Variants in TRPC4 observed in about 807,000 individuals in gnomAD.
TRPC4 encodes transient receptor potential cation channel subfamily C member 4.
A neutral mutation model predicts 99.4 loss-of-function variants in TRPC4; 49 were observed. That is an observed-to-expected ratio of 0.49 (90% confidence interval 0.39 to 0.63). The LOEUF (loss-of-function observed/expected upper bound fraction) is 0.63, where lower values mean the gene tolerates loss of function less well. Among genes scored for constraint, TRPC4 ranks in the 20% least tolerant of loss-of-function variants. TRPC4 has a pLI of 0.00. For synonymous variants in TRPC4, 454 were observed against 425.9 expected, an observed-to-expected ratio of 1.07 and a Z score of -0.81; for missense variants, 898 against 1,152.9, an observed-to-expected ratio of 0.78 and a Z score of 3.20.
At chr13:37,723,430 T>C (rs530336539) in intron 3 of TRPC4, among the ~76,000 whole-genome samples, 6 of 152,318 alleles carry the variant, frequency 3.9e-5, no homozygotes, top group African/African-American at 1.4e-4. Context: ...TGTTATTCAT[T>C]AAGCTAATAT....
At chr13:37,778,688 C>T (rs1956767240) in intron 2 of TRPC4, among the ~76,000 whole-genome samples, 1 of 151,940 alleles carries the variant, frequency 6.6e-6, no homozygotes, top group African/African-American at 2.4e-5. Flanking sequence ...CTGGAATCTT[C>T]ACTGTTTATA....
In TRPC4 at chr13:37,777,031, T is replaced by C. The variant is rs184878474; in HGVS notation, c.378+5925A>G. ...GATTTTCTGATCACATAACAGGCAA[T>C]GTTTCTAAAGACACAATTGTATTAA... On this transcript the variant is annotated intron_variant, in intron 2 of 10. Coordinates refer to ENST00000379705, the MANE Select transcript of TRPC4 (RefSeq NM_016179.4). 3.3e-5 allele frequency among the ~76,000 whole-genome samples: 5 copies of C among 152,084 alleles called. No homozygotes were observed. In the East Asian group the frequency reaches 9.7e-4, roughly 30 times the overall value.
At chr13:37,674,840 G>C (rs556614887) in intron 4 of TRPC4, among the ~76,000 whole-genome samples, 1 of 152,076 alleles carries the variant, frequency 6.6e-6, no homozygotes, top group Non-Finnish European at 1.5e-5. Flanking sequence ...TTCAGAGACC[G>C]GACTTCAATC....
chr13:37,775,051 G>C (rs1055455411), intron 2 of TRPC4, among the ~76,000 whole-genome samples: 8 of 151,532 alleles, frequency 5.3e-5, no homozygotes, highest in African/African-American at 1.9e-4. Context: ...TAATGGATTA[G>C]AGGGCTCTAA....
rs1400463054 is a variant in TRPC4, at chr13:37,637,136, C to T, written c.2701G>A (p.Gly901Ser). ...ACTAACACACATTGTTCACTGAGAC[C>T]GGGAATGCTCAGGTCACCCCGTGAA... ...LASRGDLSIP[G>S]LSEQCVLVDH... is the part of the protein sequence containing the mutation. The change falls in exon 11 of 11, where the codon GGT becomes AGT. Residue 901 changes from glycine (G) to serine (S), a missense_variant. Gly to Ser is a moderately conservative substitution (Grantham distance 56). This residue lies in a region of TRPC4 where 346 missense variants were observed against 351.4 expected (regional missense o/e 0.98). Transcript: ENST00000379705. 2.5e-6 allele frequency: 4 copies of T among 1,613,698 alleles called. No individual in the cohort carries two copies. The highest frequency in any genetic ancestry group is 3.4e-6 in the Non-Finnish European group (4 of 1,179,814).
intron 7 of TRPC4, 72 bp downstream of exon 7, chr13:37,655,016 G>A: frequency 8.7e-7 from 1 of 1,145,836 alleles, no homozygotes; most frequent in Non-Finnish European, 1.2e-6. Context: ...ACGATGATAA[G>A]AAGATGGAGT....
At chr13:37,728,893 G>A (rs1282137834) in intron 3 of TRPC4, among the ~76,000 whole-genome samples, 1 of 152,068 alleles carries the variant, frequency 6.6e-6, no homozygotes, top group African/African-American at 2.4e-5. Flanking sequence ...TGATCAAATT[G>A]TTTCTGATGA....
At chr13:37,739,755 C>T (rs570061569) in intron 3 of TRPC4, among the ~76,000 whole-genome samples, 19 of 152,070 alleles carry the variant, frequency 1.2e-4, no homozygotes, top group Non-Finnish European at 2.1e-4. Context: ...CTGCCTGCCT[C>T]GGCCTCCCAA....
chr13:37,693,381 C>T (rs1953791641), intron 3 of TRPC4, among the ~76,000 whole-genome samples: 1 of 152,000 alleles, frequency 6.6e-6, no homozygotes, highest in Admixed American at 6.6e-5. Flanking sequence ...TTAAACGATG[C>T]CCTATGGACA....
rs529509715 is a variant in TRPC4 at position 37,787,197 on chromosome 13, G to T, written c.-27-3837C>A. On this transcript the variant is annotated intron_variant, in intron 1 of 10. Transcript: ENST00000379705. ...TAGTATGTATTACTAAAGAGGAAAT[G>T]AATTTCCCTGAACAACATTTTATTT... Among the ~76,000 whole-genome samples the T allele has an allele frequency of 2.6e-5, 4 of 152,052 alleles. No homozygotes were observed. In the South Asian group the frequency reaches 8.3e-4, roughly 32 times the overall value.
chr13:37,789,796 G>A (rs986611405), intron 1 of TRPC4, among the ~76,000 whole-genome samples: 1 of 151,736 alleles, frequency 6.6e-6, no homozygotes, highest in Non-Finnish European at 1.5e-5. Context: ...GCTAGCTCAT[G>A]GCTCAGAAAC....
intron 1 of TRPC4, among the ~76,000 whole-genome samples, chr13:37,827,287 T>C (rs1958257808): frequency 6.6e-6 from 1 of 152,228 alleles, no homozygotes; most frequent in Non-Finnish European, 1.5e-5. Context: ...AAAGTCATTC[T>C]CCATCCAGCT....
intron 4 of TRPC4, among the ~76,000 whole-genome samples, chr13:37,683,455 C>T (rs1953330372): frequency 6.6e-6 from 1 of 152,116 alleles, no homozygotes; most frequent in African/African-American, 2.4e-5. Context: ...TGTTAGGGTT[C>T]CAGGACCTCG....
intron 1 of TRPC4, among the ~76,000 whole-genome samples, chr13:37,783,854 TTTTTGTTTTG>T (rs750764923): frequency 3.9e-4 from 59 of 152,066 alleles, no homozygotes; most frequent in African/African-American, 1.2e-3. Flanking sequence ...ATATATTTGT[TTTTTGTTTTG>T]TTTTGTTTTG....
intron 7 of TRPC4, among the ~76,000 whole-genome samples, chr13:37,651,829 AC>A (rs1413546939): frequency 1.3e-5 from 2 of 152,208 alleles, no homozygotes; most frequent in Non-Finnish European, 2.9e-5. Context: ...TTCTGTCTTA[AC>A]CAAAGCCTTG....
intron 2 of TRPC4, among the ~76,000 whole-genome samples, chr13:37,750,800 C>A (rs983924367): frequency 6.6e-6 from 1 of 151,962 alleles, no homozygotes; most frequent in Non-Finnish European, 1.5e-5. Flanking sequence ...CCTCCCCTAG[C>A]CCCCAACCCT....
intron 1 of TRPC4, among the ~76,000 whole-genome samples, chr13:37,802,017 A>G (rs1355642545): frequency 6.6e-6 from 1 of 152,244 alleles, no homozygotes; most frequent in African/African-American, 2.4e-5. Flanking sequence ...GTAAAAAAAT[A>G]CTATCAAACA....
At chr13:37,794,938 C>T (rs1299487020) in intron 1 of TRPC4, among the ~76,000 whole-genome samples, 1 of 151,920 alleles carries the variant, frequency 6.6e-6, no homozygotes, top group Non-Finnish European at 1.5e-5. Flanking sequence ...TTTATGATAA[C>T]TAAAAAAAGA....
intron 3 of TRPC4, among the ~76,000 whole-genome samples, chr13:37,727,070 A>G (rs1320692091): frequency 1.3e-5 from 2 of 152,082 alleles, no homozygotes; most frequent in African/African-American, 4.8e-5. Flanking sequence ...GGGCAACACA[A>G]TAAGCCAATT....
Sources: allele counts gnomAD v4.1 joint callset (sites outside exome capture counted in the v4.1 genomes callset), GRCh38; gene constraint gnomAD v4.1.1; regional missense constraint gnomAD v4.1.1; transcripts MANE v1.5; gene names NCBI Gene and HGNC (gene_info 2026-07-23, HGNC 2026-07-21).